LPL: variants seen among roughly 807,000 people sequenced by gnomAD.
LPL encodes phospholipase A1.
In LPL, 43 loss-of-function variants were observed where a neutral mutation model predicts 52.2. That is an observed-to-expected ratio of 0.82 (90% CI 0.64 to 1.06). The LOEUF (loss-of-function observed/expected upper bound fraction) is 1.06. Among genes scored for constraint, LPL ranks in the 50% least tolerant of loss-of-function variants. LPL has a pLI of 0.00. For missense variants in LPL, 639 were observed against 585.3 expected (o/e 1.09, Z -0.95); for synonymous variants, 244 against 215.6 (o/e 1.13, Z -1.15).
Position 19,939,358 on chromosome 8 carries a change from C to A in LPL, c.-83C>A. On this transcript the variant is annotated 5_prime_UTR_variant, in exon 1 of 10. Coordinates refer to ENST00000650287, the MANE Select transcript of LPL (RefSeq NM_000237.3). This position sits in a 1 kb window ranked among gnomAD's most constrained non-coding sequence, Gnocchi z 4.0. ...CGACTTGCTCAGCGCCAAACCGCGG[C>A]TCCAGCCCTCTCCAGCCTCCGGCTC... 2 of 1,380,238 alleles carry A rather than the reference C, an allele frequency of 1.4e-6. No individual in the cohort carries two copies. The highest frequency in any genetic ancestry group is 2.0e-6 in the Non-Finnish European group (2 of 997,580). 85.5% of individuals were successfully genotyped at this position (1,380,238 alleles called of 1,614,324 possible).
intron 9 of LPL, among the ~76,000 whole-genome samples, chr8:19,963,282 A>T (rs1202437579): frequency 6.6e-6 from 1 of 152,166 alleles, no homozygotes; most frequent in African/African-American, 2.4e-5. Context: ...CTAAAAATAT[A>T]AAAATTAGCT....
chr8:19,941,609 T>C (rs183155900), intron 1 of LPL, among the ~76,000 whole-genome samples: 13 of 152,328 alleles, frequency 8.5e-5, no homozygotes, highest in Non-Finnish European at 1.6e-4. Context: ...GAAGGATTAT[T>C]TCCAAGTAGA....
chr8:19,959,489 T>TA (rs2070018165), intron 7 of LPL, 109 bp downstream of exon 7: 14 of 1,372,362 alleles, frequency 1.0e-5, no homozygotes, highest in Admixed American at 7.7e-5. Flanking sequence ...AGTCTTTAGT[T>TA]AAAAAAATCA....
chr8:19,954,364 T>C lies in LPL; in HGVS notation c.775+11T>C, dbSNP rs2069964366. On this transcript the variant is annotated intron_variant, in intron 5 of 9. Coordinates refer to ENST00000650287, the MANE Select transcript of LPL (RefSeq NM_000237.3). ...AGAGAGGACTTGGAGGTAAATATTA[T>C]TTAGAAGCGAATTAAATGTGACTCT... 1 of 1,607,608 alleles carries C rather than the reference T, an allele frequency of 6.2e-7. No homozygotes were observed. Among genetic ancestry groups the C allele is most frequent in the Middle Eastern group, 1.7e-4 (1 of 6,046 alleles).
chr8:19,942,394 T>C lies in LPL; in HGVS notation c.88+2866T>C, dbSNP rs2069848577. Among the ~76,000 whole-genome samples, 2 of 152,198 alleles carry C rather than the reference T, an allele frequency of 1.3e-5. 1 individual carries two copies. The highest frequency in any genetic ancestry group is 1.3e-4 in the Admixed American group (2 of 15,274). ...TGGATCACAAAGTGTAAGGAAAGTA[T>C]TCAAGACATGAGTATCATGATTTTT... On this transcript the variant is annotated intron_variant, in intron 1 of 9. Transcript: ENST00000650287.
At chr8:19,948,488 T>G (rs1421648964) in intron 2 of LPL, 148 bp downstream of exon 2, 3 of 943,222 alleles carry the variant, frequency 3.2e-6, no homozygotes, top group Non-Finnish European at 4.7e-6. Context: ...CTGGCTCAGG[T>G]GGGATCTGAA....
In LPL at chr8:19,965,472, C is replaced by T; in HGVS notation, c.*162C>T. On this transcript the variant is annotated 3_prime_UTR_variant, in exon 10 of 10. Coordinates refer to ENST00000650287, the MANE Select transcript of LPL (RefSeq NM_000237.3). ...TACCCTTGTTAGTTATTTTAGGAGA[C>T]AGTCTCAAGCACTAAAAAGTGGCTA... 2 of 607,260 alleles carry T rather than the reference C, an allele frequency of 3.3e-6. No homozygotes were observed. The highest frequency in any genetic ancestry group is 5.9e-6 in the Non-Finnish European group (2 of 337,546). 37.6% of individuals were successfully genotyped at this position (607,260 alleles called of 1,614,324 possible).
intron 7 of LPL, among the ~76,000 whole-genome samples, chr8:19,959,981 G>A (rs2128839396): frequency 6.6e-6 from 1 of 151,564 alleles, no homozygotes; most frequent in Admixed American, 6.6e-5. Context: ...TAGCGACAGG[G>A]TCTCACCATG....
Position 19,939,813 on chromosome 8 carries a change from C to T in LPL, c.88+285C>T, listed in dbSNP as rs1333913170. On this transcript the variant is annotated intron_variant, in intron 1 of 9. Coordinates refer to ENST00000650287, the MANE Select transcript of LPL (RefSeq NM_000237.3). This position sits in a 1 kb window ranked among gnomAD's most constrained non-coding sequence, Gnocchi z 4.0. ...CTGGCTGGGACCGCGTTCCCGGGCT[C>T]GCAGGCTCCGCCGGGGAGGTTCCGG... 6.6e-6 allele frequency among the ~76,000 whole-genome samples: 1 copy of T among 152,332 alleles called. No homozygotes were observed. Among genetic ancestry groups the T allele is most frequent in the South Asian group, 2.1e-4 (1 of 4,828 alleles).
chr8:19,942,389 A>C (rs1319173845), intron 1 of LPL, among the ~76,000 whole-genome samples: 1 of 152,202 alleles, frequency 6.6e-6, no homozygotes, highest in East Asian at 1.9e-4. Context: ...AGTGTAAGGA[A>C]AGTATTCAAG....
rs559329520 is a variant in LPL, at chr8:19,955,638, C to A, written c.776-203C>A. Among the ~76,000 whole-genome samples, 19 of 152,206 alleles carry A rather than the reference C, an allele frequency of 1.2e-4. No homozygotes were observed. The South Asian group carries it at 2.7e-3, about 22-fold the overall frequency. On this transcript the variant is annotated intron_variant, in intron 5 of 9. Transcript: ENST00000650287. ...AAGTCAAAAATTCCCTGTGAACTTG[C>A]AACTTTCACTCTCTTGAAGGTGGGT...
intron 7 of LPL, among the ~76,000 whole-genome samples, chr8:19,960,276 A>G (rs1414513800): frequency 6.6e-6 from 1 of 152,226 alleles, no homozygotes; most frequent in East Asian, 1.9e-4. Flanking sequence ...AACTTTCCAT[A>G]GCTACAAAAT....
chr8:19,943,484 A>G (rs921496799), intron 1 of LPL, among the ~76,000 whole-genome samples: 1 of 152,248 alleles, frequency 6.6e-6, no homozygotes, highest in Non-Finnish European at 1.5e-5. Context: ...TCCCTCCAAT[A>G]AAACAATTGT....
Position 19,939,277 on chromosome 8 carries a change from T to A in LPL, c.-164T>A, listed in dbSNP as rs2069807247. The A allele has an allele frequency of 3.2e-6, 2 of 632,600 alleles. No individual in the cohort carries two copies. Among genetic ancestry groups the A allele is most frequent in the Admixed American group, 5.2e-5 (2 of 38,686 alleles). 39.2% of individuals were successfully genotyped at this position (632,600 alleles called of 1,614,324 possible). Reference sequence around the variant, plus strand: ...TGTCAGACTCGATTCCCCCTCTTCCTCCTCCTCAAGGGAAAGCTGCCCACT... The same window carrying A: ...TGTCAGACTCGATTCCCCCTCTTCCACCTCCTCAAGGGAAAGCTGCCCACT... On this transcript the variant is annotated 5_prime_UTR_variant, in exon 1 of 10. Transcript: ENST00000650287. The surrounding 1 kb of genome is among the most constrained non-coding windows in gnomAD (Gnocchi z 4.0).
rs2069870358 is a variant in LPL at position 19,944,957 on chromosome 8, T to C, written c.89-3223T>C. 6.6e-6 allele frequency among the ~76,000 whole-genome samples: 1 copy of C among 152,000 alleles called. No homozygotes were observed. The highest frequency in any genetic ancestry group is 2.1e-4 in the South Asian group (1 of 4,824). On this transcript the variant is annotated intron_variant, in intron 1 of 9. Transcript: ENST00000650287. The surrounding 1 kb of genome is among the most constrained non-coding windows in gnomAD (Gnocchi z 4.2). ...TTCAGAATGAAGGCCTGCCTTTCCT[T>C]CCCTCCTTCCTTCCCCTTCCCCTTC...
In LPL at chr8:19,944,071, C is replaced by T. The variant is rs546211202; in HGVS notation, c.89-4109C>T. Among the ~76,000 whole-genome samples the T allele has an allele frequency of 9.2e-5, 14 of 152,100 alleles. No homozygotes were observed. Among genetic ancestry groups the T allele is most frequent in the South Asian group, 6.2e-4 (3 of 4,806 alleles). On this transcript the variant is annotated intron_variant, in intron 1 of 9. Transcript: ENST00000650287. The surrounding 1 kb of genome is among the most constrained non-coding windows in gnomAD (Gnocchi z 4.2). ...GCGTGGTGGCAGGCACCTGTAATCC[C>T]GGCTACTCGGGAGGCTGAGGCAGAG...
chr8:19,957,044 G>C (rs535541546), intron 6 of LPL, among the ~76,000 whole-genome samples: 1 of 152,110 alleles, frequency 6.6e-6, no homozygotes, highest in Non-Finnish European at 1.5e-5. Context: ...GGCTGGTCTC[G>C]AACTGCTGAC....
chr8:19,954,026 A>G, intron 4 of LPL, 94 bp from the exon 5 acceptor site: 2 of 861,478 alleles, frequency 2.3e-6, no homozygotes, highest in African/African-American at 1.6e-5. Context: ...GAATCTAAAT[A>G]GCTGCCAGTG....
At chr8:19,963,534 C>T (rs2070058756) in intron 9 of LPL, among the ~76,000 whole-genome samples, 1 of 151,276 alleles carries the variant, frequency 6.6e-6, no homozygotes, top group Admixed American at 6.6e-5. Context: ...AGATTTTATA[C>T]ATGTTTACTA....
Sources: allele counts gnomAD v4.1 joint callset (sites outside exome capture counted in the v4.1 genomes callset), GRCh38; gene constraint gnomAD v4.1.1; non-coding constraint Gnocchi (gnomAD v3.1); transcripts MANE v1.5; gene names NCBI Gene and HGNC (gene_info 2026-07-23, HGNC 2026-07-21).